ADAMTS20: variants seen among roughly 807,000 people sequenced by gnomAD.
ADAMTS20 encodes the protein ADAM metallopeptidase with thrombospondin type 1 motif 20.
A neutral mutation model predicts 260.1 loss-of-function variants in ADAMTS20; 225 were observed. The observed-to-expected ratio is 0.87, with a 90% CI of 0.78 to 0.97. The LOEUF (loss-of-function observed/expected upper bound fraction) is 0.97, where lower values mean the gene tolerates loss of function less well. ADAMTS20 is among the 50% of genes least tolerant of loss of function. ADAMTS20 has a pLI of 0.00. For synonymous variants in ADAMTS20, 802 were observed against 769.5 expected, an observed-to-expected ratio of 1.04 and a Z score of -0.70; for missense variants, 2,400 against 2,337.7, an observed-to-expected ratio of 1.03 and a Z score of -0.55.
At chr12:43,515,968 G>T (rs1427264589) in intron 3 of ADAMTS20, among the ~76,000 whole-genome samples, 1 of 152,050 alleles carries the variant, frequency 6.6e-6, no homozygotes, top group Non-Finnish European at 1.5e-5. Flanking sequence ...CTAGTATCTG[G>T]ATACAACTGA....
At chr12:43,420,432 T>A (rs945221145) in intron 28 of ADAMTS20, among the ~76,000 whole-genome samples, 16 of 152,322 alleles carry the variant, frequency 1.1e-4, no homozygotes, top group Non-Finnish European at 1.6e-4. Context: ...TATTATAAAA[T>A]TTATTTTTAA....
chr12:43,522,922 A>G (rs1331121897), intron 3 of ADAMTS20, among the ~76,000 whole-genome samples: 1 of 152,230 alleles, frequency 6.6e-6, no homozygotes, highest in Non-Finnish European at 1.5e-5. Flanking sequence ...TCAAGGCTGA[A>G]ACCACCATGA....
chr12:43,516,687 TC>T (rs1358153829), intron 3 of ADAMTS20, among the ~76,000 whole-genome samples: 3 of 152,014 alleles, frequency 2.0e-5, no homozygotes, highest in African/African-American at 7.2e-5. Flanking sequence ...TTTTAATCAT[TC>T]CCTTCAATAG....
chr12:43,451,040 A>C (rs1941855438), intron 14 of ADAMTS20, among the ~76,000 whole-genome samples: 1 of 152,196 alleles, frequency 6.6e-6, no homozygotes, highest in Admixed American at 6.5e-5. Context: ...AGTGTCCATC[A>C]GTGGATGCAT....
chr12:43,402,591 A>G (rs761906381), intron 28 of ADAMTS20, among the ~76,000 whole-genome samples: 1 of 152,058 alleles, frequency 6.6e-6, no homozygotes, highest in Non-Finnish European at 1.5e-5. Flanking sequence ...AGAGTAAACA[A>G]CTAGTGAAAT....
At chr12:43,365,879 C>T (rs1053057617) in intron 37 of ADAMTS20, among the ~76,000 whole-genome samples, 1 of 151,682 alleles carries the variant, frequency 6.6e-6, no homozygotes, top group African/African-American at 2.4e-5. Flanking sequence ...TAACCACTAA[C>T]AAAGCAATTC....
intron 2 of ADAMTS20, among the ~76,000 whole-genome samples, chr12:43,547,641 G>A (rs1443812015): frequency 6.6e-6 from 1 of 152,156 alleles, no homozygotes; most frequent in Non-Finnish European, 1.5e-5. Context: ...GCCTTTAGAG[G>A]GGTCTGCAAG....
Position 43,462,998 on chromosome 12 carries a change from T to C in ADAMTS20, c.1511A>G (p.Asn504Ser). ...TGTGCACCACAGATGCATGCATATA[T>C]TCTCCTGAGTAACAAAAGGCAGGCA... ...GPGSQMCPHINICMHLWCTST... is the reference protein window; with the variant it reads ...GPGSQMCPHISICMHLWCTST... The change falls in exon 11 of 39, where the codon AAT becomes AGT. Residue 504 changes from asparagine to serine, a missense_variant and splice_region_variant. Coordinates refer to ENST00000389420, the MANE Select transcript of ADAMTS20 (RefSeq NM_025003.5). 1 of 1,596,712 alleles carries C rather than the reference T, an allele frequency of 6.3e-7. No homozygotes were observed.
chr12:43,490,161 T>C (rs1171858338), intron 7 of ADAMTS20, among the ~76,000 whole-genome samples: 1 of 152,054 alleles, frequency 6.6e-6, no homozygotes, highest in African/African-American at 2.4e-5. Context: ...GGTGATTACG[T>C]ATTATTTCTC....
At position 43,432,401 on chromosome 12, in the gene ADAMTS20, C is replaced by T. The variant is rs7297737; in HGVS notation, c.2999G>A (p.Arg1000His). The T allele has an allele frequency of 0.032, 51,392 of 1,613,394 alleles. 1,021 individuals carry two copies. Among genetic ancestry groups the T allele is most frequent in the East Asian group, 0.083 (3,703 of 44,844 alleles). The change falls in exon 21 of 39, where the codon CGT becomes CAT. Residue 1000 changes from arginine to histidine, a missense_variant. By Grantham distance (29) the Arg-to-His change is conservative (BLOSUM62 0). Transcript: ENST00000389420. ...ESYCMNNFGH[R>H]LADNECQELS... Reference sequence around the variant, plus strand: ...TTCTTGGCATTCATTGTCAGCAAGACGATGGCCAAAGTTATTCATACAATA... The same window carrying T: ...TTCTTGGCATTCATTGTCAGCAAGATGATGGCCAAAGTTATTCATACAATA...
intron 28 of ADAMTS20, among the ~76,000 whole-genome samples, chr12:43,409,179 G>C (rs1940975978): frequency 6.6e-6 from 1 of 151,748 alleles, no homozygotes; most frequent in African/African-American, 2.4e-5. Flanking sequence ...AAAACAATAA[G>C]AATGCAAGAC....
intron 36 of ADAMTS20, among the ~76,000 whole-genome samples, chr12:43,373,670 C>CTTTTT (rs71091149): frequency 2.8e-5 from 2 of 71,262 alleles, no homozygotes; most frequent in Non-Finnish European, 4.8e-5. Flanking sequence ...AATATCATCT[C>CTTTTT]TTTTTTTTTT....
Position 43,487,334 on chromosome 12 carries a change from G to T in ADAMTS20, c.1117+3061C>A, listed in dbSNP as rs1176971788. 2.0e-5 allele frequency among the ~76,000 whole-genome samples: 3 copies of T among 149,912 alleles called. No homozygotes were observed. In the South Asian group the frequency reaches 6.4e-4, roughly 32 times the overall value. On this transcript the variant is annotated intron_variant, in intron 7 of 38. Transcript: ENST00000389420. ...ACTCAAGAATCAAAAACCAAATACT[G>T]CATGTTCTCACTTATAAGTGAAAAC...
intron 18 of ADAMTS20, among the ~76,000 whole-genome samples, chr12:43,437,694 A>C (rs1941582950): frequency 6.6e-6 from 1 of 152,230 alleles, no homozygotes; most frequent in Admixed American, 6.5e-5. Flanking sequence ...TCTCAAGAAA[A>C]TACTGAGGGA....
Position 43,443,888 on chromosome 12 carries a change from A to G in ADAMTS20, c.2198-5T>C, listed in dbSNP as rs980862723. On this transcript the variant is annotated splice_region_variant and splice_polypyrimidine_tract_variant and intron_variant, in intron 15 of 38. Coordinates refer to ENST00000389420, the MANE Select transcript of ADAMTS20 (RefSeq NM_025003.5). ...TCTTTACAACAACATTATAACCTGC[A>G]ATATAATTTTACATATGTTAAATTT... The G allele has an allele frequency of 3.7e-6, 6 of 1,610,622 alleles. No individual in the cohort carries two copies. The East Asian group carries it at 1.3e-4, about 36-fold the overall frequency.
chr12:43,426,959 G>A (rs540861667), intron 27 of ADAMTS20, among the ~76,000 whole-genome samples: 2 of 152,156 alleles, frequency 1.3e-5, no homozygotes, highest in South Asian at 2.1e-4. Context: ...ATCACTTGAG[G>A]CCAGGAGTTT....
At chr12:43,367,918 T>C (rs769793540) in intron 37 of ADAMTS20, among the ~76,000 whole-genome samples, 2 of 152,006 alleles carry the variant, frequency 1.3e-5, no homozygotes, top group Non-Finnish European at 2.9e-5. Flanking sequence ...TACCAACCAC[T>C]CTACCTGTCA....
rs746964745 is a variant in ADAMTS20, at chr12:43,551,817, C to G, written c.91+14G>C. The G allele has an allele frequency of 1.9e-6, 3 of 1,612,750 alleles. No homozygotes were observed. The highest frequency in any genetic ancestry group is 2.2e-5 in the East Asian group (1 of 44,724). On this transcript the variant is annotated intron_variant, in intron 1 of 38. Coordinates refer to ENST00000389420, the MANE Select transcript of ADAMTS20 (RefSeq NM_025003.5). The surrounding 1 kb of genome is among the most constrained non-coding windows in gnomAD (Gnocchi z 4.6). Reference sequence around the variant, plus strand: ...CCCCACTTAGCCGCTGAAGGCGTCTCGCGGTGACTTTACCTTGCCTGGGGT... The same window carrying G: ...CCCCACTTAGCCGCTGAAGGCGTCTGGCGGTGACTTTACCTTGCCTGGGGT...
chr12:43,434,271 T>C lies in ADAMTS20; in HGVS notation c.2694A>G (p.Gln898=). 1.9e-6 allele frequency: 3 copies of C among 1,587,180 alleles called. No individual in the cohort carries two copies. The highest frequency in any genetic ancestry group is 1.3e-5 in the African/African-American group (1 of 74,682). The change falls in exon 19 of 39, where the codon CAA becomes CAG. Residue 898 remains glutamine, a synonymous_variant. Coordinates refer to ENST00000389420, the MANE Select transcript of ADAMTS20 (RefSeq NM_025003.5). ...DHLPLPSFVT[Q]SCNTDCELRW... The stretch of plus-strand genomic sequence containing the variant: ...TTAGTTCACAGTCTGTATTGCAACT[T>C]TGAGTAACAAATGATGGAAGTGGCA...
Sources: allele counts gnomAD v4.1 joint callset (sites outside exome capture counted in the v4.1 genomes callset), GRCh38; gene constraint gnomAD v4.1.1; non-coding constraint Gnocchi (gnomAD v3.1); transcripts MANE v1.5; gene names NCBI Gene and HGNC (gene_info 2026-07-23, HGNC 2026-07-21).